The following FNBP4 variants were observed in gnomAD, a reference collection of about 807,000 sequenced individuals.
FNBP4 encodes formin binding protein 4, also known as formin-binding protein 4.
FNBP4 carries 34 observed loss-of-function variants against 119.3 expected under a neutral mutation model. That is an observed-to-expected ratio of 0.28 (90% confidence interval 0.22 to 0.38). FNBP4 has a LOEUF of 0.38. Among genes scored for constraint, FNBP4 ranks in the 10% least tolerant of loss-of-function variants. The pLI is 1.00. For synonymous variants in FNBP4, 462 were observed against 430.6 expected (o/e 1.07, Z -0.90); for missense variants, 1,112 against 1,228.9 (o/e 0.90, Z 1.42).
At chr11:47,744,692 G>A (rs1489845246) in intron 7 of FNBP4, among the ~76,000 whole-genome samples, 3 of 152,192 alleles carry the variant, frequency 2.0e-5, no homozygotes, top group Admixed American at 2.0e-4. Flanking sequence ...CATGGAGAAT[G>A]GGATAACCAT....
At chr11:47,735,766 G>A (rs2097573090) in intron 9 of FNBP4, among the ~76,000 whole-genome samples, 1 of 152,042 alleles carries the variant, frequency 6.6e-6, no homozygotes, top group Non-Finnish European at 1.5e-5. Flanking sequence ...TTAACAGAAA[G>A]CAGTTTAATA....
At chr11:47,751,817 G>A (rs2135232162) in intron 4 of FNBP4, among the ~76,000 whole-genome samples, 1 of 152,060 alleles carries the variant, frequency 6.6e-6, no homozygotes, top group African/African-American at 2.4e-5. Flanking sequence ...GCGTGGTGGT[G>A]CGTGCCTGTA....
In FNBP4 at chr11:47,721,093, G is replaced by A. The variant is rs190502367; in HGVS notation, c.2806-1007C>T. ...TGTAATCACTTTGGGAGGCCGAGGC[G>A]GGAGGATCACGAGGTCAGGTGATCG... On this transcript the variant is annotated intron_variant, in intron 15 of 16. Coordinates refer to ENST00000263773, the MANE Select transcript of FNBP4 (RefSeq NM_015308.5). Among the ~76,000 whole-genome samples the A allele has an allele frequency of 3.2e-3, 480 of 151,960 alleles. 1 individual carries two copies. Among genetic ancestry groups the A allele is most frequent in the Middle Eastern group, 3.4e-3 (1 of 294 alleles).
At chr11:47,725,696 G>C in intron 12 of FNBP4, 1 of 767,704 alleles carries the variant, frequency 1.3e-6, no homozygotes, top group Middle Eastern at 6.6e-4. Context: ...TTTCTCTGCT[G>C]GGAAAACCTT....
chr11:47,737,594 C>T (rs2097576023), intron 8 of FNBP4, among the ~76,000 whole-genome samples: 1 of 151,782 alleles, frequency 6.6e-6, no homozygotes, highest in Non-Finnish European at 1.5e-5. Flanking sequence ...CAGGTGCCAC[C>T]GTGTTCAGCT....
At chr11:47,742,971 T>G (rs1244916902) in intron 8 of FNBP4, among the ~76,000 whole-genome samples, 1 of 152,104 alleles carries the variant, frequency 6.6e-6, no homozygotes, top group Non-Finnish European at 1.5e-5. Context: ...TTGTTTTTTT[T>G]TTGTTTGGTT....
chr11:47,727,367 A>G (rs1349867695), intron 12 of FNBP4, among the ~76,000 whole-genome samples: 2 of 150,392 alleles, frequency 1.3e-5, no homozygotes, highest in African/African-American at 2.5e-5. Context: ...CTCCTGCCTC[A>G]GCCTCGCGAG....
intron 8 of FNBP4, among the ~76,000 whole-genome samples, chr11:47,738,289 G>A (rs4752865): frequency 0.58 from 88,223 of 151,964 alleles, 25,895 homozygotes; most frequent in Admixed American, 0.65. Context: ...AAAAATGGCC[G>A]GGCATGGTGC....
chr11:47,726,592 A>G (rs1599165825), intron 12 of FNBP4: 1 of 152,132 alleles, frequency 6.6e-6, no homozygotes, highest in African/African-American at 2.4e-5. Flanking sequence ...GGAAAAGGAC[A>G]TTGAAAAAAA....
chr11:47,742,144 T>C (rs2097582931), intron 8 of FNBP4, among the ~76,000 whole-genome samples: 1 of 152,072 alleles, frequency 6.6e-6, no homozygotes, highest in South Asian at 2.1e-4. Flanking sequence ...TAAACGTATA[T>C]AAAGAACATG....
At chr11:47,747,350 G>A (rs982124388) in intron 6 of FNBP4, among the ~76,000 whole-genome samples, 2 of 152,132 alleles carry the variant, frequency 1.3e-5, no homozygotes, top group African/African-American at 4.8e-5. Context: ...GATTATAGGC[G>A]AGAGCCACCA....
chr11:47,752,321 A>T (rs1254842226), intron 4 of FNBP4, among the ~76,000 whole-genome samples: 1 of 151,644 alleles, frequency 6.6e-6, no homozygotes, highest in African/African-American at 2.4e-5. Context: ...GCTGCTCAGG[A>T]GACTGAGGCA....
In FNBP4 at chr11:47,724,154, T is replaced by C. The variant is rs769883159; in HGVS notation, c.2338A>G (p.Ile780Val). 8.7e-6 allele frequency: 14 copies of C among 1,614,168 alleles called. No homozygotes were observed. Among genetic ancestry groups the C allele is most frequent in the African/African-American group, 1.3e-5 (1 of 75,054 alleles). ...VTSQSSVDST[I>V]SSSSSTKGIK... ...CCTTTAGTGGAAGAAGAACTAGAGA[T>C]GGTGGAATCAACTGAACTCTGAAAC... is the stretch of plus-strand genomic sequence containing the variant. The change falls in exon 14 of 17, where the codon ATC (isoleucine) becomes GTC (valine). Residue 780 changes from isoleucine to valine, a missense_variant. By Grantham distance (29) the Ile-to-Val change is conservative. Transcript: ENST00000263773.
chr11:47,753,203 A>G, intron 3 of FNBP4, 101 bp from the exon 4 acceptor site: 1 of 878,920 alleles, frequency 1.1e-6, no homozygotes, highest in Non-Finnish European at 1.7e-6. Flanking sequence ...AGCCGGGCAC[A>G]GTGGCTCACA....
intron 2 of FNBP4, among the ~76,000 whole-genome samples, chr11:47,764,184 G>A (rs2097641979): frequency 6.6e-6 from 1 of 152,138 alleles, no homozygotes; most frequent in Non-Finnish European, 1.5e-5. Context: ...CAAAACCTCA[G>A]TTCACTGCAA....
chr11:47,738,940 A>G (rs1170794410), intron 8 of FNBP4, among the ~76,000 whole-genome samples: 3 of 144,428 alleles, frequency 2.1e-5, no homozygotes, highest in African/African-American at 7.7e-5. Context: ...CCTGGCCTCA[A>G]GTGATTTGTC....
At chr11:47,723,994 C>A in intron 14 of FNBP4, 34 bp downstream of exon 14, 1 of 1,588,068 alleles carries the variant, frequency 6.3e-7, no homozygotes, top group South Asian at 1.2e-5. Flanking sequence ...AGAAACAATA[C>A]ATTGAGGAAA....
chr11:47,747,223 G>C (rs763522428), intron 6 of FNBP4, among the ~76,000 whole-genome samples: 2 of 151,984 alleles, frequency 1.3e-5, no homozygotes, highest in Non-Finnish European at 2.9e-5. Flanking sequence ...TTCTGTTTTT[G>C]AGACGAACTC....
At chr11:47,753,968 G>C (rs2097610046) in intron 3 of FNBP4, among the ~76,000 whole-genome samples, 2 of 152,116 alleles carry the variant, frequency 1.3e-5, no homozygotes, top group African/African-American at 4.8e-5. Flanking sequence ...ACTTTGGAAG[G>C]CCGAGGTGGG....
Sources: allele counts gnomAD v4.1 joint callset (sites outside exome capture counted in the v4.1 genomes callset), GRCh38; gene constraint gnomAD v4.1.1; transcripts MANE v1.5; gene names NCBI Gene and HGNC (gene_info 2026-07-23, HGNC 2026-07-21).